FRMD5: variants seen among roughly 807,000 people sequenced by gnomAD.
The protein encoded by FRMD5 is FERM domain-containing protein 5.
A neutral mutation model predicts 69.0 loss-of-function variants in FRMD5; 20 were observed. The observed-to-expected ratio is 0.29, with a 90% CI of 0.20 to 0.42. FRMD5 has a LOEUF of 0.42. Among genes scored for constraint, FRMD5 ranks in the 10% least tolerant of loss-of-function variants. The pLI is 1.00. For missense variants in FRMD5, 595 were observed against 708.6 expected, an observed-to-expected ratio of 0.84 and a Z score of 1.82; for synonymous variants, 271 against 260.1, an observed-to-expected ratio of 1.04 and a Z score of -0.40.
At chr15:44,060,707 T>C (rs929143542) in intron 1 of FRMD5, among the ~76,000 whole-genome samples, 35 of 152,140 alleles carry the variant, frequency 2.3e-4, no homozygotes, top group African/African-American at 8.4e-4. Context: ...GATAATTCTA[T>C]GACGACTGCC....
At chr15:44,163,443 G>A (rs1434126866) in intron 1 of FRMD5, among the ~76,000 whole-genome samples, 2 of 152,194 alleles carry the variant, frequency 1.3e-5, no homozygotes, top group Non-Finnish European at 1.5e-5. Context: ...GAACGACTGA[G>A]TGGATAAATA....
At chr15:43,986,356 T>C (rs897952413) in intron 1 of FRMD5, among the ~76,000 whole-genome samples, 6 of 152,174 alleles carry the variant, frequency 3.9e-5, no homozygotes, top group Non-Finnish European at 7.3e-5. Flanking sequence ...GTAACAGGAA[T>C]GTAAATAGGG....
intron 10 of FRMD5, 73 bp from the exon 11 acceptor site, chr15:43,885,828 G>T: frequency 8.6e-7 from 1 of 1,156,812 alleles, no homozygotes; most frequent in Non-Finnish European, 1.3e-6. Flanking sequence ...CACATCCCCA[G>T]CTTCTTCCAA....
chr15:44,182,950 C>A (rs901670212), intron 1 of FRMD5, among the ~76,000 whole-genome samples: 1 of 151,926 alleles, frequency 6.6e-6, no homozygotes, highest in African/African-American at 2.4e-5. Context: ...CGCCTGCCAC[C>A]ACGCCAGGCT....
At chr15:44,108,853 T>A (rs999746530) in intron 1 of FRMD5, among the ~76,000 whole-genome samples, 2 of 151,534 alleles carry the variant, frequency 1.3e-5, no homozygotes, top group African/African-American at 2.4e-5. Flanking sequence ...CCCAGCTACT[T>A]GGGAGGCTAA....
intron 7 of FRMD5, among the ~76,000 whole-genome samples, chr15:43,893,550 A>G (rs755096080): frequency 6.6e-6 from 1 of 152,194 alleles, no homozygotes; most frequent in Non-Finnish European, 1.5e-5. Context: ...GGCTGCATGA[A>G]TGGTGATGGA....
At chr15:44,166,685 G>T (rs1400979437) in intron 1 of FRMD5, among the ~76,000 whole-genome samples, 1 of 150,246 alleles carries the variant, frequency 6.7e-6, no homozygotes, top group Admixed American at 6.7e-5. Flanking sequence ...TCGGGAGGCT[G>T]AGGCAGGAGA....
At position 44,033,407 on chromosome 15, in the gene FRMD5, A is replaced by G. The variant is rs146807952; in HGVS notation, c.103-109098T>C. 7.5e-3 allele frequency among the ~76,000 whole-genome samples: 1,145 copies of G among 152,288 alleles called. 21 individuals are homozygous for G. The highest frequency in any genetic ancestry group is 0.026 in the African/African-American group (1,095 of 41,544). On this transcript the variant is annotated intron_variant, in intron 1 of 13. Transcript: ENST00000417257. ...AAACCTAAAAGTTAAAAAAAAAATA[A>G]AGTTTTTCAAACTGATAAGAGGCAA...
chr15:44,096,818 G>A (rs1295019173), intron 1 of FRMD5, among the ~76,000 whole-genome samples: 1 of 152,144 alleles, frequency 6.6e-6, no homozygotes, highest in Non-Finnish European at 1.5e-5. Flanking sequence ...AGGTCAATGT[G>A]CAGTCACCAC....
chr15:43,996,613 C>A (rs1325497979), intron 1 of FRMD5, among the ~76,000 whole-genome samples: 3 of 151,230 alleles, frequency 2.0e-5, no homozygotes, highest in Non-Finnish European at 4.4e-5. Context: ...TTCAATTTCA[C>A]CATCTAGCTG....
chr15:43,992,627 C>T (rs1284798876), intron 1 of FRMD5, among the ~76,000 whole-genome samples: 2 of 152,178 alleles, frequency 1.3e-5, no homozygotes, highest in African/African-American at 4.8e-5. Flanking sequence ...ACCCACCTGC[C>T]TTGGCCGCCC....
rs2140632050 is a variant in FRMD5, at chr15:44,195,123, G to C, written c.-69C>G. On this transcript the variant is annotated 5_prime_UTR_variant, in exon 1 of 14. Transcript: ENST00000417257. Reference sequence around the variant, plus strand: ...CCCTGGACCAGGCGTCCCTCAGCCCGGCAGCTCCGCACCGACCCCAGGCAC... The same window carrying C: ...CCCTGGACCAGGCGTCCCTCAGCCCCGCAGCTCCGCACCGACCCCAGGCAC... The C allele has an allele frequency of 8.8e-7, 1 of 1,135,906 alleles. No individual in the cohort carries two copies. The highest frequency in any genetic ancestry group is 1.2e-6 in the Non-Finnish European group (1 of 866,648). The allele number at this position is 1,135,906 out of a possible 1,614,324, so 70.4% of individuals were successfully genotyped here.
Position 43,941,763 on chromosome 15 carries a change from C to T in FRMD5, c.103-17454G>A, listed in dbSNP as rs976062621. Reference sequence around the variant, plus strand: ...GCACAGAAAACTAAGGGCGGGGGGGCGTTGCTCCTGTGAGCTCAGCTGCAC... The same window carrying T: ...GCACAGAAAACTAAGGGCGGGGGGGTGTTGCTCCTGTGAGCTCAGCTGCAC... On this transcript the variant is annotated intron_variant, in intron 1 of 13. Transcript: ENST00000417257. Among the ~76,000 whole-genome samples the T allele has an allele frequency of 5.9e-5, 9 of 152,128 alleles. No homozygotes were observed. In the South Asian group the frequency reaches 1.2e-3, roughly 21 times the overall value.
intron 13 of FRMD5, among the ~76,000 whole-genome samples, chr15:43,883,163 G>A (rs890597660): frequency 2.0e-5 from 3 of 150,962 alleles, no homozygotes; most frequent in Admixed American, 1.3e-4. Flanking sequence ...GCAGTGGCAC[G>A]AACTCAGCTC....
chr15:43,992,540 G>T (rs1020646890), intron 1 of FRMD5, among the ~76,000 whole-genome samples: 12 of 152,106 alleles, frequency 7.9e-5, no homozygotes, highest in South Asian at 2.1e-4. Flanking sequence ...ACTATGCCCA[G>T]CTAATTTTTG....
intron 1 of FRMD5, among the ~76,000 whole-genome samples, chr15:44,133,296 G>C (rs539564937): frequency 6.6e-6 from 1 of 151,852 alleles, no homozygotes; most frequent in Admixed American, 6.6e-5. Context: ...AACTGAAAAG[G>C]CCGGGCACGG....
rs1301703602 is a variant in FRMD5 at position 44,195,212 on chromosome 15, T to G, written c.-158A>C. 7.2e-6 allele frequency: 4 copies of G among 556,844 alleles called. No individual in the cohort carries two copies. Among genetic ancestry groups the G allele is most frequent in the South Asian group, 2.2e-5 (1 of 45,152 alleles). 34.5% of individuals were successfully genotyped at this position (556,844 alleles called of 1,614,324 possible). A position where few individuals can be genotyped will look rare whatever the true frequency, so the allele number is the denominator to read the frequency against. The stretch of plus-strand genomic sequence containing the variant: ...CTGCTGGCCTCGTTCCTCCTCCTTA[T>G]CCTCCTCCTTCCCTCAGCCGCCACC... On this transcript the variant is annotated 5_prime_UTR_variant, in exon 1 of 14. Transcript: ENST00000417257.
At chr15:44,090,575 G>T (rs984879950) in intron 1 of FRMD5, among the ~76,000 whole-genome samples, 1 of 151,920 alleles carries the variant, frequency 6.6e-6, no homozygotes, top group Non-Finnish European at 1.5e-5. Flanking sequence ...GAGTAGCTGG[G>T]ATTACAGGTG....
intron 1 of FRMD5, among the ~76,000 whole-genome samples, chr15:44,176,728 G>C (rs2077901324): frequency 6.6e-6 from 1 of 152,014 alleles, no homozygotes; most frequent in Admixed American, 6.6e-5. Flanking sequence ...GACTTGAATA[G>C]ACATTTCTCC....
Sources: gnomAD v4.1 joint callset for allele counts (sites outside exome capture counted in the v4.1 genomes callset) on GRCh38, gnomAD v4.1.1 for gene constraint, MANE v1.5 for transcripts, NCBI Gene and HGNC (gene_info 2026-07-23, HGNC 2026-07-21) for gene names.